Variants in TRAPPC9 observed in about 807,000 individuals in gnomAD.
TRAPPC9 encodes IKK2 binding protein.
In TRAPPC9, 83 loss-of-function variants were observed where a neutral mutation model predicts 124.0. That is an observed-to-expected ratio of 0.67 (90% confidence interval 0.56 to 0.80). TRAPPC9 has a LOEUF of 0.80. TRAPPC9 is among the 30% of genes least tolerant of loss of function. The pLI is 0.00. For missense variants in TRAPPC9, 1,302 were observed against 1,508.3 expected (o/e 0.86, Z 2.27); for synonymous variants, 638 against 617.5 (o/e 1.03, Z -0.49).
intron 21 of TRAPPC9, among the ~76,000 whole-genome samples, chr8:139,848,280 A>G (rs1307612682): frequency 6.6e-6 from 1 of 152,224 alleles, no homozygotes; most frequent in African/African-American, 2.4e-5. Context: ...TTCCCTGCAA[A>G]CACTGCAGAT....
At chr8:140,078,471 A>T (rs781597438) in intron 17 of TRAPPC9, among the ~76,000 whole-genome samples, 4 of 152,188 alleles carry the variant, frequency 2.6e-5, no homozygotes, top group Non-Finnish European at 5.9e-5. Flanking sequence ...ATGGCTGAAC[A>T]CGGGGGAGGG....
At chr8:139,762,406 A>G (rs1820300869) in intron 21 of TRAPPC9, among the ~76,000 whole-genome samples, 1 of 152,166 alleles carries the variant, frequency 6.6e-6, no homozygotes, top group Non-Finnish European at 1.5e-5. Flanking sequence ...GATTTGTCCT[A>G]GTGTGAACAT....
intron 19 of TRAPPC9, among the ~76,000 whole-genome samples, chr8:139,968,813 G>A (rs908391573): frequency 1.3e-5 from 2 of 152,200 alleles, no homozygotes; most frequent in African/African-American, 4.8e-5. Flanking sequence ...CCAACACTGA[G>A]GCTCAGAGAG....
intron 7 of TRAPPC9, among the ~76,000 whole-genome samples, chr8:140,384,573 C>T (rs755510052): frequency 1.3e-5 from 2 of 152,132 alleles, no homozygotes; most frequent in African/African-American, 2.4e-5. Context: ...AAGGCCATTA[C>T]ATAATGGCAT....
chr8:140,162,496 C>T (rs1258180042), intron 17 of TRAPPC9, among the ~76,000 whole-genome samples: 2 of 152,198 alleles, frequency 1.3e-5, no homozygotes, highest in Non-Finnish European at 2.9e-5. Context: ...AAGTCCAGTG[C>T]TTAATACATA....
chr8:139,987,849 G>T (rs1837342869), intron 19 of TRAPPC9, among the ~76,000 whole-genome samples: 7 of 152,234 alleles, frequency 4.6e-5, no homozygotes, highest in Admixed American at 4.6e-4. Context: ...CTCCGGGCAA[G>T]CCCTGGCCTC....
chr8:139,812,094 GCA>G (rs1047129977), intron 21 of TRAPPC9, among the ~76,000 whole-genome samples: 45 of 152,310 alleles, frequency 3.0e-4, no homozygotes, highest in African/African-American at 1.1e-3. Context: ...AACCACGCAT[GCA>G]CACACGATGT....
intron 1 of TRAPPC9, among the ~76,000 whole-genome samples, chr8:140,452,143 G>A (rs1219889768): frequency 6.7e-6 from 1 of 149,714 alleles, no homozygotes; most frequent in Non-Finnish European, 1.5e-5. Flanking sequence ...AAAAGAGGCG[G>A]GGCGCAGTGG....
At chr8:140,005,262 C>T (rs1266743068) in intron 18 of TRAPPC9, among the ~76,000 whole-genome samples, 1 of 152,180 alleles carries the variant, frequency 6.6e-6, no homozygotes. Flanking sequence ...GTTAAAACCT[C>T]TAGCAGTGAC....
At chr8:140,101,539 T>TC (rs1466031624) in intron 17 of TRAPPC9, among the ~76,000 whole-genome samples, 3 of 135,192 alleles carry the variant, frequency 2.2e-5, no homozygotes, top group Non-Finnish European at 3.1e-5. Flanking sequence ...TTTCTTTTTT[T>TC]TGTTTTTTTT....
intron 21 of TRAPPC9, among the ~76,000 whole-genome samples, chr8:139,857,120 T>C (rs1444741923): frequency 6.6e-6 from 1 of 151,664 alleles, no homozygotes. Context: ...AAGGAAAGCA[T>C]GTGTGAAGGC....
intron 9 of TRAPPC9, among the ~76,000 whole-genome samples, chr8:140,312,755 CTTCTT>C (rs1345328100): frequency 2.8e-5 from 4 of 143,692 alleles, no homozygotes; most frequent in African/African-American, 5.2e-5. Flanking sequence ...TCTTCTTCTT[CTTCTT>C]TTTTTTTTTT....
intron 19 of TRAPPC9, among the ~76,000 whole-genome samples, chr8:139,946,553 A>G (rs1200261664): frequency 7.9e-5 from 12 of 152,220 alleles, no homozygotes; most frequent in Admixed American, 7.9e-4. Flanking sequence ...AAGAAGCAGG[A>G]AAAGCAAGCA....
intron 21 of TRAPPC9, among the ~76,000 whole-genome samples, chr8:139,866,130 G>C (rs187449111): frequency 2.0e-5 from 3 of 152,264 alleles, no homozygotes. Context: ...AGAGGTTGTG[G>C]AGACCAAAGT....
chr8:140,182,178 T>C lies in TRAPPC9; in HGVS notation c.2556+39281A>G, dbSNP rs550941564. Among the ~76,000 whole-genome samples the C allele has an allele frequency of 6.6e-6, 1 of 152,318 alleles. No homozygotes were observed. The highest frequency in any genetic ancestry group is 2.4e-5 in the African/African-American group (1 of 41,576). ...CTCAGATTTTGAATTTCCTCTTTGC[T>C]TCAGGTACCCGGAAATCTTGCTTTC... is the stretch of plus-strand genomic sequence containing the variant. On this transcript the variant is annotated intron_variant, in intron 17 of 22. Coordinates refer to ENST00000438773, the MANE Select transcript of TRAPPC9 (RefSeq NM_001160372.4). This position sits in a 1 kb window ranked among gnomAD's most constrained non-coding sequence, Gnocchi z 4.0.
At chr8:139,827,101 T>C (rs1696870895) in intron 21 of TRAPPC9, among the ~76,000 whole-genome samples, 1 of 152,132 alleles carries the variant, frequency 6.6e-6, no homozygotes, top group African/African-American at 2.4e-5. Context: ...TCACACCTGT[T>C]TGCCCATTTC....
chr8:140,265,870 A>G (rs915949294), intron 15 of TRAPPC9, among the ~76,000 whole-genome samples: 5 of 152,244 alleles, frequency 3.3e-5, no homozygotes, highest in South Asian at 2.1e-4. Flanking sequence ...GAAAAGCAAT[A>G]AAGAGAATCT....
intron 15 of TRAPPC9, among the ~76,000 whole-genome samples, chr8:140,254,046 GCCACTGCT>G (rs2064190789): frequency 6.6e-6 from 1 of 152,158 alleles, no homozygotes; most frequent in African/African-American, 2.4e-5. Context: ...ACATGGGGAG[GCCACTGCT>G]GGTGCCCGCT....
At chr8:140,117,159 T>C (rs370749236) in intron 17 of TRAPPC9, among the ~76,000 whole-genome samples, 2 of 152,190 alleles carry the variant, frequency 1.3e-5, no homozygotes, top group African/African-American at 4.8e-5. Context: ...GCACACCATT[T>C]TGACACACTA....
Sources: gnomAD v4.1 joint callset for allele counts (sites outside exome capture counted in the v4.1 genomes callset) on GRCh38, gnomAD v4.1.1 for gene constraint, Gnocchi (gnomAD v3.1) non-coding constraint, MANE v1.5 for transcripts, NCBI Gene and HGNC (gene_info 2026-07-23, HGNC 2026-07-21) for gene names.